The following MAP2 variants were observed in gnomAD, a reference collection of about 807,000 sequenced individuals.
The protein encoded by MAP2 is microtubule associated protein 2, also known as microtubule-associated protein 2.
A neutral mutation model predicts 137.6 loss-of-function variants in MAP2; 14 were observed. That is an observed-to-expected ratio of 0.10 (90% CI 0.07 to 0.16). The LOEUF is 0.16. Ranked by LOEUF, MAP2 falls within the 10% of genes least tolerant of loss-of-function variation. The pLI, the probability that MAP2 is intolerant of heterozygous loss-of-function variation, is 1.00. For missense variants in MAP2, 2,088 were observed against 2,191.5 expected (o/e 0.95, Z 0.94); for synonymous variants, 786 against 782.3 (o/e 1.00, Z -0.08).
At chr2:209,567,991 A>G (rs957183494) in intron 2 of MAP2, among the ~76,000 whole-genome samples, 1 of 151,996 alleles carries the variant, frequency 6.6e-6, no homozygotes, top group African/African-American at 2.4e-5. Context: ...TTTGGTTCCA[A>G]TCAATAGGAG....
intron 15 of MAP2, 64 bp downstream of exon 15, chr2:209,730,026 A>T: frequency 7.7e-7 from 1 of 1,296,826 alleles, no homozygotes; most frequent in Non-Finnish European, 1.1e-6. Flanking sequence ...AATACTCTTC[A>T]TCAAAATAGG....
At chr2:209,459,420 G>A (rs1190039720) in intron 1 of MAP2, among the ~76,000 whole-genome samples, 1 of 151,910 alleles carries the variant, frequency 6.6e-6, no homozygotes, top group Non-Finnish European at 1.5e-5. Context: ...CCATAACTGG[G>A]ACCACTAGAT....
At chr2:209,725,101 A>C (rs2073365589) in intron 13 of MAP2, among the ~76,000 whole-genome samples, 1 of 152,236 alleles carries the variant, frequency 6.6e-6, no homozygotes. Flanking sequence ...CAATGGACCA[A>C]ACTTGGAGAA....
chr2:209,671,135 G>GA (rs1259243901), intron 5 of MAP2, among the ~76,000 whole-genome samples: 20 of 150,656 alleles, frequency 1.3e-4, no homozygotes, highest in Admixed American at 4.0e-4. Flanking sequence ...GAAATATCTG[G>GA]AAAAAAAAAG....
At chr2:209,529,571 T>C (rs2064775131) in intron 2 of MAP2, among the ~76,000 whole-genome samples, 4 of 152,110 alleles carry the variant, frequency 2.6e-5, no homozygotes, top group Admixed American at 2.6e-4. Flanking sequence ...CTTATTAACA[T>C]ATCCAGTCTT....
At chr2:209,684,035 T>C (rs898051137) in intron 7 of MAP2, among the ~76,000 whole-genome samples, 5 of 152,024 alleles carry the variant, frequency 3.3e-5, no homozygotes, top group African/African-American at 1.2e-4. Flanking sequence ...GGGATTTTGA[T>C]GAAAAAAAAG....
intron 11 of MAP2, among the ~76,000 whole-genome samples, chr2:209,702,449 C>T (rs1395164045): frequency 6.6e-6 from 1 of 151,670 alleles, no homozygotes; most frequent in Non-Finnish European, 1.5e-5. Context: ...CAGTACTGTT[C>T]TCTGATTTTT....
At chr2:209,459,356 A>G (rs1702233231) in intron 1 of MAP2, among the ~76,000 whole-genome samples, 1 of 152,196 alleles carries the variant, frequency 6.6e-6, no homozygotes, top group Non-Finnish European at 1.5e-5. Context: ...GTGCTTGTCC[A>G]ATGCTAGCTG....
chr2:209,641,685 G>A (rs567364538), intron 4 of MAP2, among the ~76,000 whole-genome samples: 5 of 151,488 alleles, frequency 3.3e-5, no homozygotes, highest in African/African-American at 1.2e-4. Flanking sequence ...ATCACTGGTA[G>A]GGGTGGGGGG....
intron 3 of MAP2, among the ~76,000 whole-genome samples, chr2:209,585,116 C>G (rs539561489): frequency 9.0e-4 from 136 of 151,608 alleles, no homozygotes; most frequent in Non-Finnish European, 1.8e-3. Context: ...AGATCCAAAG[C>G]TGAGAAGGGA....
chr2:209,572,805 C>A (rs1251873153), intron 2 of MAP2, among the ~76,000 whole-genome samples: 1 of 152,144 alleles, frequency 6.6e-6, no homozygotes, highest in Non-Finnish European at 1.5e-5. Context: ...ATAGTTAATA[C>A]TTTTTATAGT....
intron 1 of MAP2, among the ~76,000 whole-genome samples, chr2:209,487,165 C>G (rs1240774807): frequency 2.0e-5 from 3 of 152,086 alleles, no homozygotes; most frequent in Non-Finnish European, 4.4e-5. Context: ...TTATGTAGAA[C>G]TTTAGTTATA....
chr2:209,575,263 T>C (rs1217272426), intron 2 of MAP2, among the ~76,000 whole-genome samples: 2 of 152,110 alleles, frequency 1.3e-5, no homozygotes, highest in South Asian at 2.1e-4. Context: ...GGCTCATGCA[T>C]GTAATCCCAG....
chr2:209,473,766 T>A (rs1255068901), intron 1 of MAP2, among the ~76,000 whole-genome samples: 1 of 152,116 alleles, frequency 6.6e-6, no homozygotes, highest in Admixed American at 6.6e-5. Context: ...AAGTAACTAA[T>A]GAAAAATTAG....
intron 2 of MAP2, among the ~76,000 whole-genome samples, chr2:209,572,466 A>G (rs1350118575): frequency 6.6e-6 from 1 of 152,140 alleles, no homozygotes; most frequent in Non-Finnish European, 1.5e-5. Flanking sequence ...ATATAAAGTA[A>G]GGCAGATAGT....
At position 209,521,309 on chromosome 2, in the gene MAP2, T is replaced by C. The variant is rs140060966; in HGVS notation, c.-172+13668T>C. ...ATATGATGCACCAAAATATAATGTA[T>C]CATTTCCTAAATGATTTGACCTCAT... On this transcript the variant is annotated intron_variant, in intron 2 of 15. Coordinates refer to ENST00000682079, the MANE Select transcript of MAP2 (RefSeq NM_001375505.1). Among the ~76,000 whole-genome samples the C allele has an allele frequency of 2.3e-3, 351 of 152,148 alleles. 2 individuals are homozygous for C. Among genetic ancestry groups the C allele is most frequent in the African/African-American group, 8.2e-3 (340 of 41,538 alleles).
At chr2:209,600,913 A>T (rs1261285316) in intron 3 of MAP2, among the ~76,000 whole-genome samples, 1 of 152,174 alleles carries the variant, frequency 6.6e-6, no homozygotes, top group East Asian at 1.9e-4. Context: ...CACTTTCTTT[A>T]CATGCACAGA....
chr2:209,501,060 T>C (rs2060322698), intron 1 of MAP2, among the ~76,000 whole-genome samples: 1 of 144,684 alleles, frequency 6.9e-6, no homozygotes. Flanking sequence ...AAAAGCCTAC[T>C]CTATACCTTA....
intron 4 of MAP2, among the ~76,000 whole-genome samples, chr2:209,652,043 G>T (rs1009127100): frequency 6.6e-6 from 1 of 152,138 alleles, no homozygotes; most frequent in African/African-American, 2.4e-5. Context: ...AGACAGTGTT[G>T]CCTGTGTTGT....
Sources: allele counts gnomAD v4.1 joint callset (sites outside exome capture counted in the v4.1 genomes callset), GRCh38; gene constraint gnomAD v4.1.1; transcripts MANE v1.5; gene names NCBI Gene and HGNC (gene_info 2026-07-23, HGNC 2026-07-21).